RIMBP2: variants seen among roughly 807,000 people sequenced by gnomAD.
RIMBP2 encodes RIMS-binding protein 2.
Under a neutral mutation model 118.6 loss-of-function variants are expected in RIMBP2, and 48 were observed. The ratio of observed to expected loss-of-function variants is 0.40; its 90% CI spans 0.32 to 0.51. The LOEUF (loss-of-function observed/expected upper bound fraction) is 0.51, where lower values mean the gene tolerates loss of function less well. Among genes scored for constraint, RIMBP2 ranks in the 20% least tolerant of loss-of-function variants. The pLI is 0.41. For missense variants in RIMBP2, 1,551 were observed against 1,768.3 expected, an observed-to-expected ratio of 0.88 and a Z score of 2.20; for synonymous variants, 762 against 742.9, an observed-to-expected ratio of 1.03 and a Z score of -0.42.
chr12:130,663,388 T>C (rs1266776240), intron 1 of RIMBP2, among the ~76,000 whole-genome samples: 2 of 148,086 alleles, frequency 1.4e-5, no homozygotes, highest in East Asian at 3.8e-4. Flanking sequence ...AAGAATAAAA[T>C]AGTGATTTCA....
intron 1 of RIMBP2, among the ~76,000 whole-genome samples, chr12:130,643,181 TC>T (rs1248224036): frequency 2.0e-5 from 3 of 151,998 alleles, no homozygotes; most frequent in East Asian, 1.9e-4. Context: ...CGGTGAGAGT[TC>T]CCCCCTGCAC....
intron 2 of RIMBP2, among the ~76,000 whole-genome samples, chr12:130,594,692 T>G (rs1302184221): frequency 1.3e-5 from 2 of 148,196 alleles, no homozygotes; most frequent in African/African-American, 2.5e-5. Flanking sequence ...AAGGGGGGGG[T>G]GTGGGTATGT....
chr12:130,439,289 A>T (rs2077826039), intron 11 of RIMBP2, among the ~76,000 whole-genome samples: 1 of 151,440 alleles, frequency 6.6e-6, no homozygotes, highest in African/African-American at 2.4e-5. Flanking sequence ...TTGTGTGTGT[A>T]TATGTGGGTG....
At chr12:130,416,952 A>T (rs1412313780) in intron 17 of RIMBP2, among the ~76,000 whole-genome samples, 1 of 151,640 alleles carries the variant, frequency 6.6e-6, no homozygotes, top group Non-Finnish European at 1.5e-5. Context: ...AAATATAAAT[A>T]AAAAATATAT....
intron 1 of RIMBP2, among the ~76,000 whole-genome samples, chr12:130,654,014 T>C (rs1179147943): frequency 6.6e-6 from 1 of 152,172 alleles, no homozygotes; most frequent in Non-Finnish European, 1.5e-5. Flanking sequence ...TGAAATGCAT[T>C]TGAGGCCTGT....
intron 6 of RIMBP2, among the ~76,000 whole-genome samples, chr12:130,464,522 T>C (rs1007350926): frequency 6.6e-6 from 1 of 152,326 alleles, no homozygotes; most frequent in East Asian, 1.9e-4. Context: ...ACTGGCTGAA[T>C]ACCTACTATG....
chr12:130,587,744 G>T (rs1366578264), intron 2 of RIMBP2, among the ~76,000 whole-genome samples: 5 of 137,484 alleles, frequency 3.6e-5, no homozygotes, highest in Middle Eastern at 7.2e-3. Context: ...ACGAGTTAGT[G>T]GGTGCAGCGC....
At chr12:130,609,728 G>A (rs1566360132) in intron 2 of RIMBP2, among the ~76,000 whole-genome samples, 1 of 152,200 alleles carries the variant, frequency 6.6e-6, no homozygotes, top group African/African-American at 2.4e-5. Context: ...AACTGCAGAA[G>A]CCAACGGTAT....
At chr12:130,480,903 C>T (rs4759471) in intron 4 of RIMBP2, among the ~76,000 whole-genome samples, 68,004 of 152,164 alleles carry the variant, frequency 0.45, 18,345 homozygotes, top group East Asian at 0.58. Context: ...GCCCGACCAC[C>T]TTTTACTCAT....
intron 7 of RIMBP2, among the ~76,000 whole-genome samples, chr12:130,453,196 C>T (rs757534128): frequency 3.3e-5 from 5 of 152,242 alleles, no homozygotes; most frequent in Non-Finnish European, 4.4e-5. Context: ...AGGAGGTTGC[C>T]GGGGACAGTG....
At chr12:130,648,110 C>G (rs1287830139) in intron 1 of RIMBP2, among the ~76,000 whole-genome samples, 1 of 131,468 alleles carries the variant, frequency 7.6e-6, no homozygotes, top group East Asian at 1.9e-4. Flanking sequence ...CGAGCAGATA[C>G]ATCCCTAGAT....
chr12:130,467,943 A>G (rs780022707), intron 6 of RIMBP2, among the ~76,000 whole-genome samples: 1 of 152,176 alleles, frequency 6.6e-6, no homozygotes, highest in Non-Finnish European at 1.5e-5. Flanking sequence ...CAGGCATTTT[A>G]TGTAACATGT....
At chr12:130,543,003 A>G (rs1593728768) in intron 2 of RIMBP2, among the ~76,000 whole-genome samples, 1 of 152,334 alleles carries the variant, frequency 6.6e-6, no homozygotes, top group East Asian at 1.9e-4. Context: ...TAATTTCTCC[A>G]AATGAGGCTG....
intron 1 of RIMBP2, chr12:130,658,834 G>C (rs755293000): frequency 1.3e-5 from 2 of 152,256 alleles, no homozygotes; most frequent in Non-Finnish European, 2.9e-5. Flanking sequence ...ACAGGGAGGC[G>C]GGTGGCAATA....
chr12:130,451,150 A>T (rs1436133159), intron 8 of RIMBP2, 45 bp downstream of exon 8: 1 of 1,598,980 alleles, frequency 6.3e-7, no homozygotes, highest in Non-Finnish European at 8.5e-7. Flanking sequence ...CACCAGACAC[A>T]CACAGCACAG....
At chr12:130,596,226 G>C (rs538825919) in intron 2 of RIMBP2, among the ~76,000 whole-genome samples, 1 of 152,150 alleles carries the variant, frequency 6.6e-6, no homozygotes, top group Non-Finnish European at 1.5e-5. Context: ...AAACAGACAC[G>C]TGGAAACCCA....
chr12:130,473,799 G>A (rs1420182332), intron 5 of RIMBP2, among the ~76,000 whole-genome samples: 1 of 152,178 alleles, frequency 6.6e-6, no homozygotes, highest in Non-Finnish European at 1.5e-5. Flanking sequence ...ACCCACCGCA[G>A]CCATCCACAC....
chr12:130,450,057 C>T lies in RIMBP2; in HGVS notation c.581+143G>A, dbSNP rs2078866484. The T allele has an allele frequency of 4.9e-6, 3 of 614,256 alleles. No homozygotes were observed. Among genetic ancestry groups the T allele is most frequent in the African/African-American group, 1.9e-5 (1 of 53,612 alleles). 38.1% of individuals were successfully genotyped at this position (614,256 alleles called of 1,614,324 possible). A position where few individuals can be genotyped will look rare whatever the true frequency, so the allele number is the denominator to read the frequency against. ...CAAACTCTCTCCACCGAACCCTGCT[C>T]AGCCTCCAGGCCAGGCTGAAATCCC... On this transcript the variant is annotated intron_variant, in intron 9 of 22. Coordinates refer to ENST00000690449, the MANE Select transcript of RIMBP2 (RefSeq NM_001393629.1). This position sits in a 1 kb window ranked among gnomAD's most constrained non-coding sequence, Gnocchi z 4.8.
At chr12:130,679,500 G>A (rs908322287) in intron 1 of RIMBP2, among the ~76,000 whole-genome samples, 3 of 152,176 alleles carry the variant, frequency 2.0e-5, no homozygotes, top group Non-Finnish European at 4.4e-5. Flanking sequence ...AGGTCAAGGC[G>A]GTGACTTCTC....
Sources: allele counts gnomAD v4.1 joint callset (sites outside exome capture counted in the v4.1 genomes callset), GRCh38; gene constraint gnomAD v4.1.1; non-coding constraint Gnocchi (gnomAD v3.1); transcripts MANE v1.5; gene names NCBI Gene and HGNC (gene_info 2026-07-23, HGNC 2026-07-21).